TRMT10B: variants seen among roughly 807,000 people sequenced by gnomAD.
TRMT10B encodes tRNA methyltransferase 10B, also known as tRNA methyltransferase 10 homolog B.
In TRMT10B, 33 loss-of-function variants were observed where a neutral mutation model predicts 43.8. The observed-to-expected ratio is 0.75, with a 90% confidence interval of 0.57 to 1.01. The LOEUF (loss-of-function observed/expected upper bound fraction) is 1.01, where lower values mean the gene tolerates loss of function less well. Ranked by LOEUF, TRMT10B falls within the 50% of genes least tolerant of loss-of-function variation. TRMT10B has a pLI of 0.00. For missense variants in TRMT10B, 362 were observed against 369.8 expected, an observed-to-expected ratio of 0.98 and a Z score of 0.17; for synonymous variants, 137 against 130.6, an observed-to-expected ratio of 1.05 and a Z score of -0.34.
At chr9:37,768,444 C>A (rs764944500) in intron 5 of TRMT10B, among the ~76,000 whole-genome samples, 71 of 152,060 alleles carry the variant, frequency 4.7e-4, no homozygotes, top group Non-Finnish European at 9.4e-4. Context: ...TATTTTGTAT[C>A]CCGTATATTT....
intron 1 of TRMT10B, among the ~76,000 whole-genome samples, chr9:37,758,659 TAAAAG>T (rs1825972723): frequency 6.6e-6 from 1 of 152,132 alleles, no homozygotes; most frequent in African/African-American, 2.4e-5. Flanking sequence ...AAAATATTCT[TAAAAG>T]TAATAGACTC....
In TRMT10B at chr9:37,761,911, A is replaced by G. The variant is rs575650318; in HGVS notation, c.-21A>G. 7.0e-5 allele frequency: 111 copies of G among 1,590,496 alleles called. 1 individual carries two copies. In the South Asian group the frequency reaches 1.1e-3, roughly 16 times the overall value. On this transcript the variant is annotated 5_prime_UTR_variant, in exon 2 of 9. Transcript: ENST00000297994. ...ATTGTGCCTTTTTCCAGTCTGGTGG[A>G]AAGGACAGAGGACTAAGTCCATGGA...
chr9:37,762,538 T>C (rs1826466202), intron 2 of TRMT10B, 39 bp from the exon 3 acceptor site: 1 of 1,545,616 alleles, frequency 6.5e-7, no homozygotes, highest in Non-Finnish European at 8.7e-7. Flanking sequence ...TTGGTGCTTA[T>C]GAAGTTCTCA....
At chr9:37,754,854 C>T (rs959170539) in intron 1 of TRMT10B, among the ~76,000 whole-genome samples, 2 of 152,152 alleles carry the variant, frequency 1.3e-5, no homozygotes, top group African/African-American at 2.4e-5. Context: ...GATACTGTTA[C>T]AATGGCAATT....
rs768258510 is a variant in TRMT10B at position 37,762,640 on chromosome 9, A to G, written c.250A>G (p.Lys84Glu). The G allele has an allele frequency of 6.3e-7, 1 of 1,597,086 alleles. No individual in the cohort carries two copies. The highest frequency in any genetic ancestry group is 2.2e-5 in the East Asian group (1 of 44,710). The part of the protein sequence containing the change: ...KIVAAKKSKR[K>E]QEKERRKANR... Reference sequence around the variant, plus strand: ...AGTTGCAGCAAAGAAGAGCAAAAGAAAGCAAGAAAAAGAACGAAGAAAAGC... The same window carrying G: ...AGTTGCAGCAAAGAAGAGCAAAAGAGAGCAAGAAAAAGAACGAAGAAAAGC... The change falls in exon 3 of 9, where the codon AAG becomes GAG. Residue 84 changes from lysine (K) to glutamate (E), a missense_variant. By Grantham distance (56) the Lys-to-Glu change is moderately conservative. Coordinates refer to ENST00000297994, the MANE Select transcript of TRMT10B (RefSeq NM_144964.4).
At position 37,777,904 on chromosome 9, in the gene TRMT10B, C is replaced by T. The variant is rs1025735052; in HGVS notation, c.*197C>T. The T allele has an allele frequency of 2.3e-6, 1 of 437,244 alleles. No individual in the cohort carries two copies. 27.1% of individuals were successfully genotyped at this position (437,244 alleles called of 1,614,324 possible). ...CCTGTAGTCCCAGCTACTTGGGAGG[C>T]TGAGGCAGGAGAATCACTTGAACTC... On this transcript the variant is annotated 3_prime_UTR_variant, in exon 9 of 9. Coordinates refer to ENST00000297994, the MANE Select transcript of TRMT10B (RefSeq NM_144964.4).
At chr9:37,763,597 A>G (rs1826649006) in intron 3 of TRMT10B, 32 bp from the exon 4 acceptor site, 1 of 1,593,084 alleles carries the variant, frequency 6.3e-7, no homozygotes, top group Non-Finnish European at 8.6e-7. Flanking sequence ...CTGGTTTTCC[A>G]CTTTTATTTC....
At chr9:37,773,227 C>G (rs1321943829) in intron 7 of TRMT10B, among the ~76,000 whole-genome samples, 1 of 152,162 alleles carries the variant, frequency 6.6e-6, no homozygotes, top group Non-Finnish European at 1.5e-5. Context: ...TGCGCCTCAG[C>G]CTCCTGAGTA....
chr9:37,770,798 C>T lies in TRMT10B; in HGVS notation c.720+59C>T, dbSNP rs367642409. 1.3e-5 allele frequency: 20 copies of T among 1,562,598 alleles called. No individual in the cohort carries two copies. In the African/African-American group the frequency reaches 1.9e-4, roughly 15 times the overall value. ...AAAAAGCAGTGCTTACTTTTAGAGG[C>T]ATGTGCCCTGTTATAGTCTCCTCTA... On this transcript the variant is annotated intron_variant, in intron 7 of 8. Transcript: ENST00000297994.
Position 37,776,400 on chromosome 9 carries a change from A to G in TRMT10B, c.839A>G (p.Asn280Ser). The change falls in exon 8 of 9, where the codon AAT becomes AGT. Residue 280 changes from asparagine (N) to serine (S), a missense_variant. Coordinates refer to ENST00000297994, the MANE Select transcript of TRMT10B (RefSeq NM_144964.4). The part of the protein sequence containing the change: ...KNYHSEILAI[N>S]QVFDILSTYL... ...TATCATTCAGAGATACTGGCCATCA[A>G]TCAAGGTACTTCTTACACGGCCCCC... The G allele has an allele frequency of 1.9e-6, 3 of 1,608,556 alleles. No individual in the cohort carries two copies. The highest frequency in any genetic ancestry group is 1.7e-6 in the Non-Finnish European group (2 of 1,178,136).
At chr9:37,753,973 T>C (rs1328803382) in intron 1 of TRMT10B, 121 bp downstream of exon 1, 6 of 152,368 alleles carry the variant, frequency 3.9e-5, no homozygotes, top group Non-Finnish European at 8.8e-5. Flanking sequence ...ATGTGGCCTG[T>C]GGTACTCCAC....
In TRMT10B at chr9:37,754,130, C is replaced by T. The variant is rs941950642; in HGVS notation, c.-30+278C>T. On this transcript the variant is annotated intron_variant, in intron 1 of 8. Transcript: ENST00000297994. ...ACCCATCAGGTGGGAGTTAGGCTAG[C>T]AAAGGTCTGAGGCCTCTGCCAACCT... 2.6e-5 allele frequency among the ~76,000 whole-genome samples: 4 copies of T among 152,302 alleles called. No homozygotes were observed. In the East Asian group the frequency reaches 5.8e-4, roughly 22 times the overall value.
intron 1 of TRMT10B, among the ~76,000 whole-genome samples, chr9:37,756,711 T>A (rs1057160352): frequency 3.3e-5 from 5 of 151,256 alleles, no homozygotes; most frequent in Middle Eastern, 3.4e-3. Context: ...AGAGCAAGAC[T>A]CTCATCTCAA....
At position 37,770,012 on chromosome 9, in the gene TRMT10B, A is replaced by G. The variant is rs957024376; in HGVS notation, c.645A>G (p.Ser215=). 1 of 1,612,730 alleles carries G rather than the reference A, an allele frequency of 6.2e-7. No individual in the cohort carries two copies. The highest frequency in any genetic ancestry group is 1.3e-5 in the African/African-American group (1 of 74,920). ...LETLVYLTPD[S]EHALEDVDLN... ...CCCTTGTGTACCTGACTCCTGACTC[A>G]GAACACGGTATGTAGTTGAATGCAT... is the stretch of plus-strand genomic sequence containing the variant. Residue 215 remains serine (S), a synonymous_variant, in exon 6 of 9, where the codon TCA becomes TCG. Transcript: ENST00000297994.
Position 37,778,212 on chromosome 9 carries a change from T to C in TRMT10B, c.*505T>C, listed in dbSNP as rs1021893088. ...CTGGCTCACAGGAAGTGCTCAGATA[T>C]GTTAAGTAATAAAAAGTTAATGTGG... On this transcript the variant is annotated 3_prime_UTR_variant, in exon 9 of 9. Transcript: ENST00000297994. The C allele has an allele frequency of 2.0e-5, 3 of 152,040 alleles. No homozygotes were observed. The highest frequency in any genetic ancestry group is 7.3e-5 in the African/African-American group (3 of 41,242). The allele number at this position is 152,040 out of a possible 1,614,324, so 9.4% of individuals were successfully genotyped here. A position where few individuals can be genotyped will look rare whatever the true frequency, so the allele number is the denominator to read the frequency against.
In TRMT10B at chr9:37,770,674, C is replaced by T; in HGVS notation, c.655C>T (p.Leu219Phe). Residue 219 changes from leucine to phenylalanine, a missense_variant and splice_region_variant, in exon 7 of 9, where the codon CTT becomes TTT. Leu to Phe is a conservative substitution (Grantham distance 22, BLOSUM62 0). Transcript: ENST00000297994. ...ATTGGCCTTCATTTTTTCATTAGCT[C>T]TTGAAGATGTTGATCTAAACAAAGT... is the stretch of plus-strand genomic sequence containing the variant. ...VYLTPDSEHA[L>F]EDVDLNKVYI... 6.2e-7 allele frequency: 1 copy of T among 1,613,162 alleles called. No individual in the cohort carries two copies. The highest frequency in any genetic ancestry group is 8.5e-7 in the Non-Finnish European group (1 of 1,179,796).
intron 7 of TRMT10B, among the ~76,000 whole-genome samples, chr9:37,772,454 G>A (rs533697359): frequency 6.6e-6 from 1 of 151,758 alleles, no homozygotes; most frequent in Non-Finnish European, 1.5e-5. Context: ...GCCCAGCCTC[G>A]TGTTTAAAAT....
chr9:37,777,536 CT>C lies in TRMT10B; in HGVS notation c.845-61del, dbSNP rs1320185871. The C allele has an allele frequency of 3.8e-6, 5 of 1,323,382 alleles. No individual in the cohort carries two copies. In the East Asian group the frequency reaches 1.2e-4, roughly 31 times the overall value. The allele number at this position is 1,323,382 out of a possible 1,614,324, so 82.0% of individuals were successfully genotyped here. A position where few individuals can be genotyped will look rare whatever the true frequency, so the allele number is the denominator to read the frequency against. On this transcript the variant is annotated intron_variant, in intron 8 of 8. Transcript: ENST00000297994. Reference sequence around the variant, plus strand: ...GTTGAACGAAATATTACAGAACATCCTTTTCATTTACTCGTTCTTTTTTTCC... The same window carrying C: ...GTTGAACGAAATATTACAGAACATCCTTTCATTTACTCGTTCTTTTTTTCC...
chr9:37,753,350 C>T (rs1825163621), upstream of TRMT10B, among the ~76,000 whole-genome samples: 2 of 152,210 alleles, frequency 1.3e-5, no homozygotes, highest in Admixed American at 1.3e-4. Context: ...CCCCGTTGGG[C>T]CTAAACTCCG....
Sources: allele counts gnomAD v4.1 joint callset (sites outside exome capture counted in the v4.1 genomes callset), GRCh38; gene constraint gnomAD v4.1.1; transcripts MANE v1.5; gene names NCBI Gene and HGNC (gene_info 2026-07-23, HGNC 2026-07-21).